Variants in POC1A observed in about 807,000 individuals in gnomAD.
The protein encoded by POC1A is POC1 centriolar protein A.
Under a neutral mutation model 47.8 loss-of-function variants are expected in POC1A, and 34 were observed. The observed-to-expected ratio is 0.71, with a 90% CI of 0.54 to 0.95. POC1A has a LOEUF of 0.95. POC1A is among the 40% of genes least tolerant of loss of function. POC1A has a pLI of 0.00. For missense variants in POC1A, 466 were observed against 528.3 expected (o/e 0.88, Z 1.16); for synonymous variants, 177 against 207.6 (o/e 0.85, Z 1.27).
At chr3:52,146,344 C>T (rs1348810472) in intron 5 of POC1A, among the ~76,000 whole-genome samples, 1 of 152,238 alleles carries the variant, frequency 6.6e-6, no homozygotes, top group Non-Finnish European at 1.5e-5. Flanking sequence ...GTGGGAAGGT[C>T]CAGCAGGACT....
intron 9 of POC1A, 145 bp from the exon 10 acceptor site, chr3:52,096,857 G>A (rs1444166098): frequency 2.8e-6 from 2 of 703,994 alleles, no homozygotes; most frequent in South Asian, 2.1e-5. Context: ...AAACAGCAGC[G>A]TGGCGGTGTT....
chr3:52,092,483 C>T (rs1702676412), intron 10 of POC1A, among the ~76,000 whole-genome samples: 1 of 152,148 alleles, frequency 6.6e-6, no homozygotes, highest in Non-Finnish European at 1.5e-5. Flanking sequence ...GCACAACAAG[C>T]CATTATTAAC....
At position 52,138,988 on chromosome 3, in the gene POC1A, C is replaced by T. The variant is rs1041486201; in HGVS notation, c.680-686G>A. On this transcript the variant is annotated intron_variant, in intron 6 of 10. Coordinates refer to ENST00000296484, the MANE Select transcript of POC1A (RefSeq NM_015426.5). The stretch of plus-strand genomic sequence containing the variant: ...AGCTGAGACTACAGGTGTGCCACTA[C>T]GTCCAGCTGATTTTTGTATTTTTAG... 8.5e-5 allele frequency among the ~76,000 whole-genome samples: 13 copies of T among 152,274 alleles called. 1 individual carries two copies. Among genetic ancestry groups the T allele is most frequent in the South Asian group, 6.2e-4 (3 of 4,830 alleles).
At chr3:52,143,484 T>C (rs372559693) in intron 6 of POC1A, among the ~76,000 whole-genome samples, 1 of 152,162 alleles carries the variant, frequency 6.6e-6, no homozygotes, top group South Asian at 2.1e-4. Flanking sequence ...AGCTCTCCCA[T>C]GCTTGGAGAC....
At chr3:52,144,378 C>T (rs568553177) in intron 6 of POC1A, among the ~76,000 whole-genome samples, 17 of 152,336 alleles carry the variant, frequency 1.1e-4, no homozygotes, top group Admixed American at 5.9e-4. Context: ...AAGCCTCTGT[C>T]TGAAAGAGCA....
intron 10 of POC1A, among the ~76,000 whole-genome samples, chr3:52,086,971 T>C (rs930144833): frequency 6.6e-5 from 10 of 152,206 alleles, no homozygotes; most frequent in Non-Finnish European, 4.4e-5. Flanking sequence ...ACAGGTCCGG[T>C]GCCTGCCAGC....
chr3:52,106,173 T>C lies in POC1A; in HGVS notation c.982-9461A>G, dbSNP rs184297229. On this transcript the variant is annotated intron_variant, in intron 9 of 10. Transcript: ENST00000296484. ...TCGCGCCACTGTGACAGAGAGAGAC[T>C]ACGTCTCAAAAAAAAAAAAAAAAAA... 5.3e-4 allele frequency among the ~76,000 whole-genome samples: 54 copies of C among 101,750 alleles called. No individual in the cohort carries two copies. The East Asian group carries it at 0.015, about 28-fold the overall frequency. 66.8% of individuals were successfully genotyped at this position (101,750 alleles called of 152,430 possible).
At chr3:52,093,678 C>CA (rs1197529463) in intron 10 of POC1A, among the ~76,000 whole-genome samples, 1 of 152,236 alleles carries the variant, frequency 6.6e-6, no homozygotes, top group African/African-American at 2.4e-5. Flanking sequence ...GGAAGCCAGA[C>CA]AAAACCTGAG....
chr3:52,138,141 C>T, intron 7 of POC1A, 28 bp downstream of exon 7: 1 of 1,613,344 alleles, frequency 6.2e-7, no homozygotes, highest in Admixed American at 1.7e-5. Context: ...CACTCCACAC[C>T]ACTCAGCACC....
intron 9 of POC1A, among the ~76,000 whole-genome samples, chr3:52,103,248 C>G (rs114975867): frequency 6.6e-6 from 1 of 152,200 alleles, no homozygotes; most frequent in South Asian, 2.1e-4. Context: ...ACTGTAAGGC[C>G]GGGTATAATG....
Position 52,075,803 on chromosome 3 carries a change from C to T in POC1A, c.*84G>A. 1.0e-6 allele frequency: 1 copy of T among 991,396 alleles called. No individual in the cohort carries two copies. Among genetic ancestry groups the T allele is most frequent in the Non-Finnish European group, 1.6e-6 (1 of 620,210 alleles). The allele number at this position is 991,396 out of a possible 1,614,324, so 61.4% of individuals were successfully genotyped here. On this transcript the variant is annotated 3_prime_UTR_variant, in exon 11 of 11. Coordinates refer to ENST00000296484, the MANE Select transcript of POC1A (RefSeq NM_015426.5). ...GATGTGATTCCCACAGAGTTCAGTC[C>T]CCTTTATTTACCCAAGTCCCATGGT...
intron 9 of POC1A, among the ~76,000 whole-genome samples, chr3:52,105,199 C>T (rs904145665): frequency 1.3e-5 from 2 of 152,284 alleles, no homozygotes; most frequent in East Asian, 1.9e-4. Flanking sequence ...CATGTCTGAC[C>T]ACTGCTCACT....
At chr3:52,082,346 C>CA (rs1702326125) in intron 10 of POC1A, among the ~76,000 whole-genome samples, 2 of 152,278 alleles carry the variant, frequency 1.3e-5, no homozygotes, top group South Asian at 4.1e-4. Flanking sequence ...AGGGACTGCC[C>CA]AACCCAGGTG....
intron 10 of POC1A, among the ~76,000 whole-genome samples, chr3:52,082,333 A>C (rs1702325191): frequency 6.6e-6 from 1 of 152,166 alleles, no homozygotes; most frequent in African/African-American, 2.4e-5. Context: ...GTGGGGATGA[A>C]GGAGGGACTG....
At chr3:52,122,314 G>A in intron 9 of POC1A, 65 bp downstream of exon 9, 1 of 908,124 alleles carries the variant, frequency 1.1e-6, no homozygotes, top group Non-Finnish European at 1.8e-6. Flanking sequence ...CAAGCCCAGA[G>A]CTGTTCACCA....
chr3:52,081,656 G>A (rs1318906732), intron 10 of POC1A, among the ~76,000 whole-genome samples: 2 of 152,146 alleles, frequency 1.3e-5, no homozygotes, highest in Non-Finnish European at 2.9e-5. Flanking sequence ...GGCAGGAGAT[G>A]GGGTTGGGCT....
In POC1A at chr3:52,096,571, G is replaced by A; in HGVS notation, c.1123C>T (p.Gln375Ter). The change falls in exon 10 of 11, where the codon CAG becomes TAG. Residue 375 changes from glutamine to a stop codon, truncating the protein, a stop_gained and splice_region_variant. Transcript: ENST00000296484. LOFTEE classifies it high-confidence loss of function. ...GGTGAACCCACAGTGTGGCCTACCT[G>A]AGTGAGGACATCCAGCTGGCCCACA... The part of the protein sequence containing the change: ...HIVGQLDVLT[Q>*]TVSILEQRLT... 6.3e-7 allele frequency: 1 copy of A among 1,576,974 alleles called. No individual in the cohort carries two copies. The highest frequency in any genetic ancestry group is 1.2e-5 in the South Asian group (1 of 85,294).
chr3:52,131,700 G>A (rs1267370505), intron 7 of POC1A, among the ~76,000 whole-genome samples: 1 of 152,170 alleles, frequency 6.6e-6, no homozygotes, highest in African/African-American at 2.4e-5. Context: ...CTGGGTCGGG[G>A]AGTCTCCCCA....
intron 7 of POC1A, among the ~76,000 whole-genome samples, chr3:52,136,644 C>T (rs192741507): frequency 2.2e-3 from 338 of 152,354 alleles, no homozygotes; most frequent in Non-Finnish European, 3.4e-3. Context: ...GCCCTATCCA[C>T]ACCCCAAACC....
Sources: allele counts gnomAD v4.1 joint callset (sites outside exome capture counted in the v4.1 genomes callset), GRCh38; gene constraint gnomAD v4.1.1; transcripts MANE v1.5; gene names NCBI Gene and HGNC (gene_info 2026-07-23, HGNC 2026-07-21).